Variants in FSTL4 observed in about 807,000 individuals in gnomAD.
FSTL4 encodes follistatin-related protein 4.
Under a neutral mutation model 78.2 loss-of-function variants are expected in FSTL4, and 28 were observed. The ratio of observed to expected loss-of-function variants is 0.36; its 90% CI spans 0.27 to 0.49. The LOEUF is 0.49. Ranked by LOEUF, FSTL4 falls within the 20% of genes least tolerant of loss-of-function variation. The probability of loss-of-function intolerance (pLI) is 0.98; values close to 1 mark genes in which losing one functional copy is unlikely to be tolerated. For missense variants in FSTL4, 922 were observed against 1,084.9 expected (o/e 0.85, Z 2.11); for synonymous variants, 422 against 440.5 (o/e 0.96, Z 0.53).
chr5:133,679,098 C>T, the FSTL4 span, among the ~76,000 whole-genome samples: 1 of 152,126 alleles, frequency 6.6e-6, no homozygotes, highest in Non-Finnish European at 1.5e-5. Flanking sequence ...CTTCCCTATG[C>T]CCTCTCCCTC....
intron 6 of FSTL4, among the ~76,000 whole-genome samples, chr5:133,297,272 G>A (rs931336914): frequency 6.6e-6 from 1 of 152,162 alleles, no homozygotes; most frequent in Non-Finnish European, 1.5e-5. Context: ...AATAAGAAGA[G>A]AACACTTGGT....
chr5:133,465,022 T>C (rs1757675891), intron 3 of FSTL4, among the ~76,000 whole-genome samples: 2 of 152,218 alleles, frequency 1.3e-5, no homozygotes, highest in Non-Finnish European at 2.9e-5. Context: ...CTTCGTTTAT[T>C]AATTGATTCA....
the FSTL4 span, among the ~76,000 whole-genome samples, chr5:133,641,818 C>A: frequency 6.6e-6 from 1 of 151,670 alleles, no homozygotes; most frequent in African/African-American, 2.4e-5. Flanking sequence ...CCTCTTCCTC[C>A]TCCTCCTTCT....
the FSTL4 span, among the ~76,000 whole-genome samples, chr5:133,681,255 T>C: frequency 1.3e-5 from 2 of 152,196 alleles, no homozygotes; most frequent in African/African-American, 2.4e-5. Flanking sequence ...CTCCCTTCTT[T>C]CTCTGAGCTC....
At chr5:133,767,152 T>C in the FSTL4 span, among the ~76,000 whole-genome samples, 1 of 152,202 alleles carries the variant, frequency 6.6e-6, no homozygotes, top group Non-Finnish European at 1.5e-5. Context: ...GTTAACCTGA[T>C]TGGGGAACTC....
chr5:133,416,300 C>A (rs1756580133), intron 3 of FSTL4, among the ~76,000 whole-genome samples: 1 of 152,116 alleles, frequency 6.6e-6, no homozygotes, highest in Non-Finnish European at 1.5e-5. Context: ...TTTGGTGGAA[C>A]TGATTTTTAA....
the FSTL4 span, among the ~76,000 whole-genome samples, chr5:133,703,291 C>T: frequency 6.6e-6 from 1 of 152,196 alleles, no homozygotes; most frequent in African/African-American, 2.4e-5. Flanking sequence ...ATACTACATC[C>T]GTTACCATTC....
chr5:133,551,287 G>T (rs887021106), intron 3 of FSTL4, among the ~76,000 whole-genome samples: 3 of 152,106 alleles, frequency 2.0e-5, no homozygotes, highest in Admixed American at 2.0e-4. Context: ...TTTATAAAAT[G>T]ACTAATAAAG....
intron 1 of FSTL4, among the ~76,000 whole-genome samples, chr5:133,604,271 C>G (rs1416507037): frequency 6.6e-6 from 1 of 152,072 alleles, no homozygotes; most frequent in East Asian, 1.9e-4. Flanking sequence ...ACGTGGAAAC[C>G]CATTTGAAAT....
At chr5:133,207,401 C>T (rs1271990006) in intron 14 of FSTL4, among the ~76,000 whole-genome samples, 3 of 152,220 alleles carry the variant, frequency 2.0e-5, no homozygotes, top group African/African-American at 7.2e-5. Flanking sequence ...TATTCTCACC[C>T]CTTTAAGGGC....
At chr5:133,784,873 C>T in the FSTL4 span, among the ~76,000 whole-genome samples, 1 of 152,124 alleles carries the variant, frequency 6.6e-6, no homozygotes, top group Admixed American at 6.5e-5. Flanking sequence ...CTAGTTTCTT[C>T]TAAATGAAAT....
intron 4 of FSTL4, among the ~76,000 whole-genome samples, chr5:133,352,285 C>T (rs1244622134): frequency 2.4e-4 from 26 of 107,012 alleles, no homozygotes; most frequent in Non-Finnish European, 3.3e-4. Flanking sequence ...TATATACACA[C>T]ATATATATAC....
At chr5:133,449,005 T>C (rs1325518985) in intron 3 of FSTL4, among the ~76,000 whole-genome samples, 1 of 152,106 alleles carries the variant, frequency 6.6e-6, no homozygotes, top group Non-Finnish European at 1.5e-5. Flanking sequence ...ATTTTAGTGG[T>C]AGCCTTCAGG....
intron 4 of FSTL4, among the ~76,000 whole-genome samples, chr5:133,367,313 T>C (rs1269520455): frequency 2.0e-5 from 3 of 152,232 alleles, no homozygotes; most frequent in Non-Finnish European, 4.4e-5. Context: ...GACTGGTTTT[T>C]AGCACCACAA....
At chr5:133,788,757 C>G in the FSTL4 span, among the ~76,000 whole-genome samples, 2 of 152,170 alleles carry the variant, frequency 1.3e-5, no homozygotes, top group African/African-American at 4.8e-5. Flanking sequence ...TTTTGTTAAA[C>G]CTTTACTCTG....
chr5:133,838,610 C>T, the FSTL4 span, among the ~76,000 whole-genome samples: 1 of 151,972 alleles, frequency 6.6e-6, no homozygotes, highest in Non-Finnish European at 1.5e-5. Context: ...CCTCCAGTGT[C>T]TCTAACTATC....
chr5:133,604,056 T>G, intron 1 of FSTL4, 63 bp from the exon 2 acceptor site: 1 of 1,168,298 alleles, frequency 8.6e-7, no homozygotes, highest in Admixed American at 1.7e-5. Flanking sequence ...TAAGTCACAG[T>G]GAGTTAGTAT....
At chr5:133,735,211 T>A in the FSTL4 span, among the ~76,000 whole-genome samples, 1 of 152,162 alleles carries the variant, frequency 6.6e-6, no homozygotes, top group African/African-American at 2.4e-5. Context: ...ACGCCTGTAA[T>A]CCCAACACTT....
chr5:133,719,412 G>A, the FSTL4 span, among the ~76,000 whole-genome samples: 1 of 152,206 alleles, frequency 6.6e-6, no homozygotes, highest in East Asian at 1.9e-4. Flanking sequence ...GCTCACACCT[G>A]CAATCCCAGC....
Sources: allele counts gnomAD v4.1 joint callset (sites outside exome capture counted in the v4.1 genomes callset), GRCh38; gene constraint gnomAD v4.1.1; transcripts MANE v1.5; gene names NCBI Gene and HGNC (gene_info 2026-07-23, HGNC 2026-07-21).